The following FAF1 variants were observed in gnomAD, a reference collection of about 807,000 sequenced individuals.
FAF1 encodes FAS-associated factor 1.
Under a neutral mutation model 92.5 loss-of-function variants are expected in FAF1, and 25 were observed. The ratio of observed to expected loss-of-function variants is 0.27; its 90% CI spans 0.20 to 0.38. The LOEUF is 0.38. Ranked by LOEUF, FAF1 falls within the 10% of genes least tolerant of loss-of-function variation. FAF1 has a pLI of 1.00. For synonymous variants in FAF1, 234 were observed against 273.2 expected (o/e 0.86, Z 1.42); for missense variants, 636 against 793.3 (o/e 0.80, Z 2.38).
rs1387981005 is a variant in FAF1, at chr1:50,878,545, GGAATT to G, written c.46-20553_46-20549del. Among the ~76,000 whole-genome samples, 15 of 152,260 alleles carry G rather than the reference GGAATT, an allele frequency of 9.9e-5. No individual in the cohort carries two copies. In the East Asian group the frequency reaches 2.9e-3, roughly 29 times the overall value. On this transcript the variant is annotated intron_variant, in intron 1 of 18. Coordinates refer to ENST00000396153, the MANE Select transcript of FAF1 (RefSeq NM_007051.3). The stretch of plus-strand genomic sequence containing the variant: ...TCAAGTAACAGAATTCTGAAATTAA[GGAATT>G]GAGGCCACAGAAAACACTCAAAATC...
intron 1 of FAF1, among the ~76,000 whole-genome samples, chr1:50,940,474 G>A (rs1233714758): frequency 6.6e-6 from 1 of 152,090 alleles, no homozygotes; most frequent in African/African-American, 2.4e-5. Flanking sequence ...TGTCGTCTAA[G>A]CTGTTATCAA....
intron 15 of FAF1, among the ~76,000 whole-genome samples, chr1:50,512,757 T>C (rs1439909807): frequency 2.0e-5 from 3 of 152,242 alleles, no homozygotes; most frequent in Non-Finnish European, 2.9e-5. Context: ...AGTAGTTTTT[T>C]CTAATTCTGT....
chr1:50,804,277 G>C (rs1662109469), intron 2 of FAF1, among the ~76,000 whole-genome samples: 1 of 152,102 alleles, frequency 6.6e-6, no homozygotes, highest in African/African-American at 2.4e-5. Flanking sequence ...AAAAATCACA[G>C]CTACGTTCAA....
intron 7 of FAF1, among the ~76,000 whole-genome samples, chr1:50,684,165 A>G (rs1656549521): frequency 6.6e-6 from 1 of 152,034 alleles, no homozygotes; most frequent in Non-Finnish European, 1.5e-5. Flanking sequence ...AAGTCATAGC[A>G]GGAGTAGCTT....
chr1:50,857,253 T>A (rs1644397213), intron 2 of FAF1, among the ~76,000 whole-genome samples: 1 of 151,824 alleles, frequency 6.6e-6, no homozygotes, highest in African/African-American at 2.4e-5. Flanking sequence ...CTTCTATAAG[T>A]ACACATCTTA....
intron 1 of FAF1, among the ~76,000 whole-genome samples, chr1:50,958,633 G>A (rs536732454): frequency 9.6e-4 from 145 of 151,106 alleles, no homozygotes; most frequent in Non-Finnish European, 1.6e-3. Context: ...AGCCGAGATC[G>A]CGCCACTGCA....
At chr1:50,508,174 T>C (rs1293765419) in intron 15 of FAF1, among the ~76,000 whole-genome samples, 1 of 152,210 alleles carries the variant, frequency 6.6e-6, no homozygotes, top group African/African-American at 2.4e-5. Flanking sequence ...AGGTTCCTTT[T>C]TGGTTCCTCA....
intron 6 of FAF1, among the ~76,000 whole-genome samples, chr1:50,724,304 C>CACACACACAT (rs1553132423): frequency 8.7e-5 from 12 of 138,438 alleles, no homozygotes; most frequent in African/African-American, 1.4e-4. Context: ...CATACACACA[C>CACACACACAT]ACACACACAC....
Position 50,744,756 on chromosome 1 carries a change from T to C in FAF1, c.387A>G (p.Leu129=), listed in dbSNP as rs1483610614. 9 of 1,603,728 alleles carry C rather than the reference T, an allele frequency of 5.6e-6. No individual in the cohort carries two copies. Residue 129 remains leucine, a synonymous_variant, in exon 5 of 19, where the codon CTA becomes CTG. Coordinates refer to ENST00000396153, the MANE Select transcript of FAF1 (RefSeq NM_007051.3). ...TCTVGEIKQI[L]ENELQIPVSK... ...ACACAGGTATCTGAAGTTCATTTTC[T>C]AGAATCTGTTTAATCTCTCCTGTAT...
intron 1 of FAF1, among the ~76,000 whole-genome samples, chr1:50,949,152 C>G (rs969999627): frequency 1.3e-5 from 2 of 152,190 alleles, no homozygotes; most frequent in Non-Finnish European, 2.9e-5. Context: ...TCAGAAGCAT[C>G]AGCATAACCA....
chr1:50,675,236 C>A (rs1656068079), intron 7 of FAF1, among the ~76,000 whole-genome samples: 1 of 152,152 alleles, frequency 6.6e-6, no homozygotes, highest in Non-Finnish European at 1.5e-5. Context: ...TCTCTGTGTG[C>A]ATATATTAAT....
At chr1:50,929,071 C>CAAAA (rs59078269) in intron 1 of FAF1, among the ~76,000 whole-genome samples, 5 of 36,658 alleles carry the variant, frequency 1.4e-4, no homozygotes, top group South Asian at 1.0e-3. Flanking sequence ...GACACTGTCT[C>CAAAA]AAAAAAAAAA....
intron 6 of FAF1, among the ~76,000 whole-genome samples, chr1:50,715,258 A>G (rs1658123527): frequency 6.6e-6 from 1 of 152,210 alleles, no homozygotes; most frequent in Admixed American, 6.5e-5. Flanking sequence ...ATTTTCAAAC[A>G]TATCACCTTA....
At chr1:50,678,179 T>C (rs1036831214) in intron 7 of FAF1, among the ~76,000 whole-genome samples, 1 of 152,192 alleles carries the variant, frequency 6.6e-6, no homozygotes, top group African/African-American at 2.4e-5. Flanking sequence ...AGTTGCCTGG[T>C]TACCCAGTCT....
chr1:50,534,408 G>A (rs1275791857), intron 15 of FAF1, among the ~76,000 whole-genome samples: 3 of 151,984 alleles, frequency 2.0e-5, no homozygotes, highest in African/African-American at 7.2e-5. Context: ...TCAGCCTCCC[G>A]AGTAGCTGGG....
chr1:50,542,289 C>T (rs1485952636), intron 13 of FAF1, among the ~76,000 whole-genome samples: 2 of 152,212 alleles, frequency 1.3e-5, no homozygotes, highest in Non-Finnish European at 2.9e-5. Flanking sequence ...AAAATTCCTA[C>T]TTGTCAATTC....
At chr1:50,856,302 T>A (rs1273036438) in intron 2 of FAF1, among the ~76,000 whole-genome samples, 1 of 151,736 alleles carries the variant, frequency 6.6e-6, no homozygotes, top group Non-Finnish European at 1.5e-5. Flanking sequence ...TCCCAAAATA[T>A]ACAACTAAAT....
intron 13 of FAF1, among the ~76,000 whole-genome samples, chr1:50,547,403 T>G (rs2149044464): frequency 6.6e-6 from 1 of 150,728 alleles, no homozygotes; most frequent in South Asian, 2.1e-4. Flanking sequence ...GTCAGAGTTT[T>G]AAAAAGCCAC....
chr1:50,503,433 C>G (rs1647016163), intron 15 of FAF1, among the ~76,000 whole-genome samples: 1 of 151,952 alleles, frequency 6.6e-6, no homozygotes, highest in Non-Finnish European at 1.5e-5. Flanking sequence ...GCCTAGGCAA[C>G]ACAGCAAGAC....
Sources: gnomAD v4.1 joint callset for allele counts (sites outside exome capture counted in the v4.1 genomes callset) on GRCh38, gnomAD v4.1.1 for gene constraint, MANE v1.5 for transcripts, NCBI Gene and HGNC (gene_info 2026-07-23, HGNC 2026-07-21) for gene names.